The following TENM3 variants were observed in gnomAD, a reference collection of about 807,000 sequenced individuals.
TENM3 encodes teneurin transmembrane protein 3.
A neutral mutation model predicts 255.1 loss-of-function variants in TENM3; 63 were observed. That is an observed-to-expected ratio of 0.25 (90% CI 0.20 to 0.30). The LOEUF is 0.30. Among genes scored for constraint, TENM3 ranks in the 10% least tolerant of loss-of-function variants. The pLI, the probability that TENM3 is intolerant of heterozygous loss-of-function variation, is 1.00. For missense variants in TENM3, 2,929 were observed against 3,461.1 expected, an observed-to-expected ratio of 0.85 and a Z score of 3.86; for synonymous variants, 1,306 against 1,322.3, an observed-to-expected ratio of 0.99 and a Z score of 0.27.
At chr4:182,494,058 C>G (rs1236657983) in intron 3 of TENM3, among the ~76,000 whole-genome samples, 1 of 152,040 alleles carries the variant, frequency 6.6e-6, no homozygotes, top group Non-Finnish European at 1.5e-5. Context: ...TTATTTTCTG[C>G]TGATTTGCAG....
At chr4:182,355,847 CAT>C (rs1214315524) in intron 3 of TENM3, among the ~76,000 whole-genome samples, 1 of 151,340 alleles carries the variant, frequency 6.6e-6, no homozygotes, top group African/African-American at 2.4e-5. Context: ...CATGAGAAGA[CAT>C]AGTGTTTGAT....
intron 3 of TENM3, among the ~76,000 whole-genome samples, chr4:182,561,985 C>T (rs13106113): frequency 0.012 from 1,676 of 145,294 alleles, 10 homozygotes; most frequent in Admixed American, 0.017. Context: ...GATAGATAGA[C>T]AGATAGATAG....
chr4:181,706,166 T>C, the TENM3 span, among the ~76,000 whole-genome samples: 2 of 152,124 alleles, frequency 1.3e-5, no homozygotes, highest in African/African-American at 2.4e-5. Flanking sequence ...TGTCTCCCTG[T>C]GTCTGCACGT....
chr4:181,449,638 T>G, the TENM3 span, among the ~76,000 whole-genome samples: 4 of 151,852 alleles, frequency 2.6e-5, no homozygotes, highest in East Asian at 7.8e-4. Context: ...ACAAAAAAAT[T>G]TACCCGGGCA....
At chr4:182,330,977 G>C (rs1023569765) in intron 2 of TENM3, among the ~76,000 whole-genome samples, 3 of 152,332 alleles carry the variant, frequency 2.0e-5, no homozygotes, top group African/African-American at 7.2e-5. Context: ...TAGAGCTTTA[G>C]TGGAGGGAAA....
the TENM3 span, among the ~76,000 whole-genome samples, chr4:182,100,634 T>TACACAC: frequency 5.5e-5 from 3 of 54,062 alleles, no homozygotes; most frequent in African/African-American, 2.3e-4. Flanking sequence ...CACACATATA[T>TACACAC]ACACATATAT....
the TENM3 span, among the ~76,000 whole-genome samples, chr4:181,569,562 T>C: frequency 6.6e-6 from 1 of 152,264 alleles, no homozygotes; most frequent in Admixed American, 6.5e-5. Flanking sequence ...CATGCTAGAA[T>C]TTACCTGGGT....
At chr4:182,176,870 T>A (rs1752526832) in intron 1 of TENM3, among the ~76,000 whole-genome samples, 1 of 146,336 alleles carries the variant, frequency 6.8e-6, no homozygotes, top group Admixed American at 6.9e-5. Context: ...AGATGAGGTT[T>A]CACCATGTTG....
At chr4:182,758,301 CTT>C (rs914825901) in intron 22 of TENM3, among the ~76,000 whole-genome samples, 1 of 152,062 alleles carries the variant, frequency 6.6e-6, no homozygotes, top group African/African-American at 2.4e-5. Flanking sequence ...GGGTCAGAAA[CTT>C]TAAAACACAT....
intron 3 of TENM3, among the ~76,000 whole-genome samples, chr4:182,420,360 G>A (rs546873049): frequency 3.9e-5 from 6 of 152,182 alleles, no homozygotes; most frequent in South Asian, 2.1e-4. Flanking sequence ...CTGTATGAGC[G>A]ACTCCAGTCA....
At chr4:181,822,380 T>C in the TENM3 span, among the ~76,000 whole-genome samples, 151 of 152,338 alleles carry the variant, frequency 9.9e-4, 2 homozygotes, top group Non-Finnish European at 6.3e-4. Context: ...TTTGGTGAAG[T>C]ATTTGCCGTA....
chr4:181,681,009 C>T, the TENM3 span, among the ~76,000 whole-genome samples: 1 of 151,858 alleles, frequency 6.6e-6, no homozygotes, highest in Non-Finnish European at 1.5e-5. Context: ...TTTATTTGTT[C>T]CTCATAGGAA....
chr4:181,759,342 C>T, the TENM3 span, among the ~76,000 whole-genome samples: 2 of 151,980 alleles, frequency 1.3e-5, no homozygotes, highest in Non-Finnish European at 2.9e-5. Flanking sequence ...AGAGACAAAA[C>T]CCATCTGCTT....
At chr4:182,476,664 C>T (rs1733712332) in intron 3 of TENM3, among the ~76,000 whole-genome samples, 1 of 152,096 alleles carries the variant, frequency 6.6e-6, no homozygotes, top group African/African-American at 2.4e-5. Flanking sequence ...TCCTTAGGAG[C>T]CTCTATATCA....
intron 1 of TENM3, among the ~76,000 whole-genome samples, chr4:182,266,424 A>C (rs1759248847): frequency 6.6e-6 from 1 of 152,210 alleles, no homozygotes; most frequent in Non-Finnish European, 1.5e-5. Flanking sequence ...CATACTGGCT[A>C]AAGTTAAAAG....
At chr4:181,824,716 AT>A in the TENM3 span, among the ~76,000 whole-genome samples, 2 of 152,156 alleles carry the variant, frequency 1.3e-5, no homozygotes, top group Non-Finnish European at 2.9e-5. Flanking sequence ...TGATCTTCTA[AT>A]TCACCAGACT....
chr4:181,810,438 A>G, the TENM3 span, among the ~76,000 whole-genome samples: 1 of 152,062 alleles, frequency 6.6e-6, no homozygotes, highest in African/African-American at 2.4e-5. Flanking sequence ...AAAATCTAAA[A>G]TTATTAGATT....
At chr4:182,379,143 C>G (rs781722875) in intron 3 of TENM3, among the ~76,000 whole-genome samples, 1 of 152,070 alleles carries the variant, frequency 6.6e-6, no homozygotes, top group Non-Finnish European at 1.5e-5. Context: ...TTTGGGAGGC[C>G]GGGGCGGGCG....
intron 7 of TENM3, among the ~76,000 whole-genome samples, chr4:182,674,625 G>C (rs1237819188): frequency 1.3e-5 from 2 of 152,126 alleles, no homozygotes; most frequent in Non-Finnish European, 2.9e-5. Flanking sequence ...TTCCAGGCTG[G>C]AGTGCAATGG....
Sources: allele counts gnomAD v4.1 joint callset (sites outside exome capture counted in the v4.1 genomes callset), GRCh38; gene constraint gnomAD v4.1.1; transcripts MANE v1.5; gene names NCBI Gene and HGNC (gene_info 2026-07-23, HGNC 2026-07-21).